The following C10orf90 variants were observed in gnomAD, a reference collection of about 807,000 sequenced individuals.
C10orf90 encodes (E2-independent) E3 ubiquitin-conjugating enzyme FATS.
In C10orf90, 56 loss-of-function variants were observed where a neutral mutation model predicts 62.5. The observed-to-expected ratio is 0.90, with a 90% confidence interval of 0.72 to 1.12. The LOEUF (loss-of-function observed/expected upper bound fraction) is 1.12. C10orf90 is among the 50% of genes most tolerant of loss of function. The probability of loss-of-function intolerance (pLI) is 0.00; values close to 1 mark genes in which losing one functional copy is unlikely to be tolerated. For missense variants in C10orf90, 970 were observed against 880.4 expected (o/e 1.10, Z -1.29); for synonymous variants, 386 against 340.4 (o/e 1.13, Z -1.47).
At chr10:126,521,886 G>A (rs1401170668) in intron 2 of C10orf90, among the ~76,000 whole-genome samples, 2 of 152,178 alleles carry the variant, frequency 1.3e-5, no homozygotes, top group Non-Finnish European at 2.9e-5. Context: ...AGTTAATAAT[G>A]CAGTTTAAAA....
intron 1 of C10orf90, among the ~76,000 whole-genome samples, chr10:126,668,952 A>C (rs1056735459): frequency 2.0e-5 from 3 of 152,180 alleles, no homozygotes; most frequent in African/African-American, 7.2e-5. Context: ...TACGAAGAAA[A>C]CGAGAATGCC....
At chr10:126,579,250 T>C (rs1844692642) in intron 2 of C10orf90, among the ~76,000 whole-genome samples, 1 of 140,686 alleles carries the variant, frequency 7.1e-6, no homozygotes, top group Non-Finnish European at 1.5e-5. Flanking sequence ...ATTTTACAAA[T>C]CTATATTTCT....
chr10:126,523,604 T>C (rs1044594833), intron 2 of C10orf90: 1 of 152,210 alleles, frequency 6.6e-6, no homozygotes, highest in African/African-American at 2.4e-5. Flanking sequence ...AAATGTACCA[T>C]GTTCATCATT....
At chr10:126,468,715 T>C (rs1025059854) in intron 4 of C10orf90, among the ~76,000 whole-genome samples, 1 of 152,084 alleles carries the variant, frequency 6.6e-6, no homozygotes, top group African/African-American at 2.4e-5. Flanking sequence ...TGGAAACCCA[T>C]GCAGGGCAGG....
intron 2 of C10orf90, among the ~76,000 whole-genome samples, chr10:126,530,553 C>T (rs111233021): frequency 0.069 from 10,389 of 151,580 alleles, 1,172 homozygotes; most frequent in African/African-American, 0.23. Context: ...TATTAGGACC[C>T]CTATATCTAT....
intron 3 of C10orf90, among the ~76,000 whole-genome samples, chr10:126,510,301 G>T (rs899918195): frequency 6.6e-6 from 1 of 152,150 alleles, no homozygotes; most frequent in African/African-American, 2.4e-5. Flanking sequence ...ACCAAGAAGG[G>T]GATGAGATGG....
At chr10:126,501,404 A>C (rs375452068) in intron 4 of C10orf90, among the ~76,000 whole-genome samples, 2 of 152,212 alleles carry the variant, frequency 1.3e-5, no homozygotes, top group Non-Finnish European at 2.9e-5. Flanking sequence ...GTGCACGTGT[A>C]GGTGAAGGTG....
At chr10:126,629,119 G>A (rs755456691) in intron 2 of C10orf90, among the ~76,000 whole-genome samples, 1 of 152,206 alleles carries the variant, frequency 6.6e-6, no homozygotes, top group Non-Finnish European at 1.5e-5. Context: ...GAAGACAGAA[G>A]CAGCCTTCAA....
rs754747736 is a variant in C10orf90 at position 126,504,455 on chromosome 10, T to G, written c.1036A>C (p.Ser346Arg). Residue 346 changes from serine to arginine, a missense_variant, in exon 4 of 10, where the codon AGT (serine) becomes CGT (arginine). Transcript: ENST00000488181. This position sits in a 1 kb window ranked among gnomAD's most constrained non-coding sequence, Gnocchi z 4.1. ...GACACCCTGAGGTGGACACAGGAAC[T>G]GAACACCAGCGGGCTCTTTCCTGAC... The part of the protein sequence containing the change: ...PLSGKSPLVF[S>R]SCVHLRVSQQ... 11 of 1,614,228 alleles carry G rather than the reference T, an allele frequency of 6.8e-6. No individual in the cohort carries two copies. Among genetic ancestry groups the G allele is most frequent in the Non-Finnish European group, 8.5e-6 (10 of 1,180,042 alleles).
At chr10:126,651,127 C>T (rs1201301058) in intron 1 of C10orf90, among the ~76,000 whole-genome samples, 1 of 152,174 alleles carries the variant, frequency 6.6e-6, no homozygotes. Context: ...CCTACATTAC[C>T]TCACTTGTTC....
At chr10:126,459,248 T>A in intron 6 of C10orf90, 31 bp from the exon 7 acceptor site, 1 of 1,610,102 alleles carries the variant, frequency 6.2e-7, no homozygotes, top group Non-Finnish European at 8.5e-7. Context: ...ACGTCATTTT[T>A]AAGAGCAGTG....
chr10:126,653,246 CA>C (rs951291000), intron 1 of C10orf90, among the ~76,000 whole-genome samples: 15 of 152,216 alleles, frequency 9.9e-5, no homozygotes, highest in African/African-American at 3.1e-4. Flanking sequence ...CTCTTCCTTT[CA>C]CGAAACAGTT....
At chr10:126,654,475 G>C (rs1846353164) in intron 1 of C10orf90, among the ~76,000 whole-genome samples, 2 of 152,116 alleles carry the variant, frequency 1.3e-5, no homozygotes, top group African/African-American at 4.8e-5. Flanking sequence ...CCTCTCTCAG[G>C]CTTCATAGAA....
At chr10:126,457,188 C>T (rs1859640823) in intron 7 of C10orf90, among the ~76,000 whole-genome samples, 1 of 152,172 alleles carries the variant, frequency 6.6e-6, no homozygotes, top group Non-Finnish European at 1.5e-5. Context: ...AGGGTTTCTC[C>T]ATGTTGCCCA....
At chr10:126,518,272 C>A (rs1863551628) in intron 2 of C10orf90, among the ~76,000 whole-genome samples, 1 of 152,216 alleles carries the variant, frequency 6.6e-6, no homozygotes, top group Admixed American at 6.5e-5. Context: ...TACTGACCTG[C>A]AGACCTAGCA....
chr10:126,444,969 T>C (rs1205731126), intron 7 of C10orf90, among the ~76,000 whole-genome samples: 2 of 151,806 alleles, frequency 1.3e-5, no homozygotes, highest in Admixed American at 6.6e-5. Context: ...GCTAGCAACA[T>C]GTAGAATGAA....
intron 3 of C10orf90, among the ~76,000 whole-genome samples, chr10:126,506,318 G>T (rs189423020): frequency 6.6e-6 from 1 of 152,286 alleles, no homozygotes; most frequent in African/African-American, 2.4e-5. Flanking sequence ...ATGGAAGATG[G>T]ACTACACCCC....
intron 4 of C10orf90, among the ~76,000 whole-genome samples, chr10:126,503,570 C>T (rs768189333): frequency 4.6e-5 from 7 of 152,150 alleles, no homozygotes; most frequent in South Asian, 2.1e-4. Context: ...CTTCCAAACA[C>T]GCAGATGTTT....
At chr10:126,649,056 CTCTCTCTCT>C (rs1846232604) in intron 1 of C10orf90, among the ~76,000 whole-genome samples, 3 of 56,678 alleles carry the variant, frequency 5.3e-5, no homozygotes, top group African/African-American at 2.1e-4. Context: ...CTCTCTCTCT[CTCTCTCTCT>C]CTCTCTCCCC....
Sources: gnomAD v4.1 joint callset for allele counts (sites outside exome capture counted in the v4.1 genomes callset) on GRCh38, gnomAD v4.1.1 for gene constraint, Gnocchi (gnomAD v3.1) non-coding constraint, MANE v1.5 for transcripts, NCBI Gene and HGNC (gene_info 2026-07-23, HGNC 2026-07-21) for gene names.